The following PRKN variants were observed in gnomAD, a reference collection of about 807,000 sequenced individuals.
PRKN encodes the protein parkin RBR E3 ubiquitin protein ligase.
A neutral mutation model predicts 59.5 loss-of-function variants in PRKN; 56 were observed. The observed-to-expected ratio is 0.94, with a 90% CI of 0.76 to 1.18. The LOEUF (loss-of-function observed/expected upper bound fraction) is 1.18, where lower values mean the gene tolerates loss of function less well. Ranked by LOEUF, PRKN falls within the 50% of genes most tolerant of loss-of-function variation. The pLI is 0.00. For missense variants in PRKN, 657 were observed against 596.4 expected, an observed-to-expected ratio of 1.10 and a Z score of -1.06; for synonymous variants, 250 against 222.1, an observed-to-expected ratio of 1.13 and a Z score of -1.12.
chr6:162,210,064 G>A (rs1046701391), intron 3 of PRKN, among the ~76,000 whole-genome samples: 6 of 145,408 alleles, frequency 4.1e-5, no homozygotes, highest in African/African-American at 1.5e-4. Flanking sequence ...TATCAAACTG[G>A]TATGTTGTGC....
At chr6:162,696,105 C>G (rs1777956279) in intron 1 of PRKN, among the ~76,000 whole-genome samples, 1 of 151,662 alleles carries the variant, frequency 6.6e-6, no homozygotes, top group African/African-American at 2.4e-5. Context: ...TAACAGGAAA[C>G]ATACTAAAAA....
At chr6:162,658,392 C>T (rs776450703) in intron 1 of PRKN, among the ~76,000 whole-genome samples, 2 of 152,066 alleles carry the variant, frequency 1.3e-5, no homozygotes, top group African/African-American at 2.4e-5. Flanking sequence ...GTGTGTTAGC[C>T]GGGCATGGCG....
At chr6:162,562,957 A>G (rs1205673628) in intron 1 of PRKN, among the ~76,000 whole-genome samples, 1 of 152,166 alleles carries the variant, frequency 6.6e-6, no homozygotes, top group East Asian at 1.9e-4. Flanking sequence ...GTGTCACTCC[A>G]CCTCAAGCTT....
chr6:162,127,766 T>G (rs1390481713), intron 4 of PRKN, among the ~76,000 whole-genome samples: 1 of 152,254 alleles, frequency 6.6e-6, no homozygotes, highest in Admixed American at 6.5e-5. Context: ...ATCCTTTGAT[T>G]GTTCCATCCC....
intron 4 of PRKN, among the ~76,000 whole-genome samples, chr6:162,161,287 G>C (rs908030525): frequency 6.6e-6 from 1 of 152,270 alleles, no homozygotes; most frequent in South Asian, 2.1e-4. Context: ...TGGAGCAGGA[G>C]ATGTGGTGTC....
intron 3 of PRKN, among the ~76,000 whole-genome samples, chr6:162,229,985 T>C (rs1778352914): frequency 6.6e-6 from 1 of 152,136 alleles, no homozygotes; most frequent in Admixed American, 6.6e-5. Context: ...TTAGAACCAC[T>C]CCGCCACAGA....
At chr6:162,339,388 G>C (rs1389498522) in intron 2 of PRKN, among the ~76,000 whole-genome samples, 1 of 146,966 alleles carries the variant, frequency 6.8e-6, no homozygotes, top group African/African-American at 2.5e-5. Flanking sequence ...GGAGGGAGGT[G>C]GGGGGGTCAG....
intron 6 of PRKN, among the ~76,000 whole-genome samples, chr6:161,921,872 A>G (rs1778798335): frequency 6.6e-6 from 1 of 152,228 alleles, no homozygotes; most frequent in Non-Finnish European, 1.5e-5. Context: ...GGATAGGCTG[A>G]CAACTGAAGT....
intron 2 of PRKN, among the ~76,000 whole-genome samples, chr6:162,294,335 T>A (rs982975597): frequency 1.3e-4 from 19 of 150,524 alleles, no homozygotes; most frequent in African/African-American, 4.4e-4. Context: ...GAGAAGGAGG[T>A]GAACAGAGAG....
chr6:161,934,076 C>T (rs1032209953), intron 6 of PRKN, among the ~76,000 whole-genome samples: 2 of 152,156 alleles, frequency 1.3e-5, no homozygotes, highest in Non-Finnish European at 2.9e-5. Context: ...ACGAGAGAGA[C>T]CAGGAAGAGG....
intron 1 of PRKN, among the ~76,000 whole-genome samples, chr6:162,474,885 G>A (rs1791926121): frequency 6.6e-6 from 1 of 152,090 alleles, no homozygotes; most frequent in Non-Finnish European, 1.5e-5. Flanking sequence ...TGTAGCAAAA[G>A]GAATGAAGGA....
chr6:161,923,726 C>A (rs1403927644), intron 6 of PRKN, among the ~76,000 whole-genome samples: 4 of 152,078 alleles, frequency 2.6e-5, no homozygotes, highest in African/African-American at 7.2e-5. Context: ...GATCCTTTAC[C>A]CCCTAATTGT....
chr6:162,329,055 G>C (rs1224106236), intron 2 of PRKN, among the ~76,000 whole-genome samples: 2 of 152,174 alleles, frequency 1.3e-5, no homozygotes, highest in African/African-American at 4.8e-5. Context: ...GTATCTGTAT[G>C]TGTTCGGGTA....
chr6:161,707,724 C>CTCTTT (rs10648495), intron 7 of PRKN, among the ~76,000 whole-genome samples: 100,867 of 151,410 alleles, frequency 0.67, 35,742 homozygotes, highest in African/African-American at 0.91. Flanking sequence ...TTTTTGTACT[C>CTCTTT]TAAGATCAGA....
chr6:162,403,776 T>C (rs1787921343), intron 2 of PRKN, among the ~76,000 whole-genome samples: 1 of 152,160 alleles, frequency 6.6e-6, no homozygotes, highest in African/African-American at 2.4e-5. Context: ...CACAAGTCGT[T>C]GTAATTACAT....
At chr6:161,605,564 T>C (rs552455635) in intron 7 of PRKN, among the ~76,000 whole-genome samples, 1 of 150,164 alleles carries the variant, frequency 6.7e-6, no homozygotes, top group South Asian at 2.1e-4. Context: ...CAGGATGGAG[T>C]GCAGTGGCGC....
intron 6 of PRKN, among the ~76,000 whole-genome samples, chr6:161,883,213 C>T (rs12110765): frequency 0.25 from 37,794 of 151,804 alleles, 5,301 homozygotes; most frequent in African/African-American, 0.38. Context: ...AGAAAGGAAA[C>T]ATCTGAGGCC....
chr6:161,628,415 T>C (rs1021364350), intron 7 of PRKN, among the ~76,000 whole-genome samples: 1 of 152,230 alleles, frequency 6.6e-6, no homozygotes, highest in East Asian at 1.9e-4. Flanking sequence ...GAGGGCTCTC[T>C]GAGTTCCCTT....
chr6:162,392,175 C>A (rs933430076), intron 2 of PRKN, among the ~76,000 whole-genome samples: 3 of 151,966 alleles, frequency 2.0e-5, no homozygotes, highest in African/African-American at 7.3e-5. Context: ...GCATCTGCTG[C>A]TTGCATTCTT....
Sources: gnomAD v4.1 joint callset for allele counts (sites outside exome capture counted in the v4.1 genomes callset) on GRCh38, gnomAD v4.1.1 for gene constraint, MANE v1.5 for transcripts, NCBI Gene and HGNC (gene_info 2026-07-23, HGNC 2026-07-21) for gene names.